The following GFRA1 variants were observed in gnomAD, a reference collection of about 807,000 sequenced individuals.
GFRA1 encodes GDNF family receptor alpha-1.
A neutral mutation model predicts 51.6 loss-of-function variants in GFRA1; 16 were observed. That is an observed-to-expected ratio of 0.31 (90% CI 0.21 to 0.47). GFRA1 has a LOEUF of 0.47. Ranked by LOEUF, GFRA1 falls within the 20% of genes least tolerant of loss-of-function variation. The pLI, the probability that GFRA1 is intolerant of heterozygous loss-of-function variation, is 1.00. For synonymous variants in GFRA1, 270 were observed against 241.3 expected (o/e 1.12, Z -1.10); for missense variants, 530 against 594.3 (o/e 0.89, Z 1.13).
At chr10:116,271,770 A>T (rs1175643904) in intron 2 of GFRA1, among the ~76,000 whole-genome samples, 1 of 152,136 alleles carries the variant, frequency 6.6e-6, no homozygotes, top group East Asian at 1.9e-4. Context: ...TAAAAACCAC[A>T]GGAAATCAAA....
chr10:116,161,458 G>T (rs1589834342), intron 5 of GFRA1, among the ~76,000 whole-genome samples: 2 of 152,324 alleles, frequency 1.3e-5, no homozygotes, highest in Non-Finnish European at 1.5e-5. Flanking sequence ...CAGAAAGGAA[G>T]TTGACGCCAA....
intron 5 of GFRA1, among the ~76,000 whole-genome samples, chr10:116,167,782 G>A (rs1444334373): frequency 6.6e-6 from 1 of 152,140 alleles, no homozygotes; most frequent in Admixed American, 6.5e-5. Context: ...TAAGTGACCA[G>A]GACACAACCT....
At chr10:116,222,267 C>T (rs1408706286) in intron 4 of GFRA1, among the ~76,000 whole-genome samples, 1 of 152,124 alleles carries the variant, frequency 6.6e-6, no homozygotes, top group African/African-American at 2.4e-5. Context: ...AGCGTGATCT[C>T]GGCTCACTGC....
intron 5 of GFRA1, among the ~76,000 whole-genome samples, chr10:116,153,516 T>C (rs917348538): frequency 1.3e-5 from 2 of 152,190 alleles, no homozygotes; most frequent in African/African-American, 4.8e-5. Flanking sequence ...TGTCTGCTGG[T>C]TTAGAAATTA....
intron 8 of GFRA1, among the ~76,000 whole-genome samples, chr10:116,092,361 T>C (rs2133887011): frequency 6.6e-6 from 1 of 152,224 alleles, no homozygotes; most frequent in Middle Eastern, 3.4e-3. Flanking sequence ...ATCAACAAAG[T>C]AAATGATGAG....
At chr10:116,127,307 A>G (rs961592683) in intron 5 of GFRA1, among the ~76,000 whole-genome samples, 2 of 152,256 alleles carry the variant, frequency 1.3e-5, no homozygotes, top group Non-Finnish European at 2.9e-5. Flanking sequence ...GACAAAGGGC[A>G]CACAAAGCAA....
At chr10:116,191,235 A>C (rs1963233592) in intron 5 of GFRA1, among the ~76,000 whole-genome samples, 1 of 152,346 alleles carries the variant, frequency 6.6e-6, no homozygotes, top group South Asian at 2.1e-4. Flanking sequence ...TTGAGTGTGC[A>C]TCTATAAATG....
intron 6 of GFRA1, among the ~76,000 whole-genome samples, chr10:116,107,195 G>C (rs1333413855): frequency 6.6e-6 from 1 of 152,122 alleles, no homozygotes; most frequent in Non-Finnish European, 1.5e-5. Flanking sequence ...TCCTGGTAGG[G>C]TTAAATATAC....
rs1308174010 is a variant in GFRA1, at chr10:116,063,152, C to CCAAT, written c.*1242_*1245dup. ...GAGAACCTGCCCATGCCTCCATGTCCCAATCAAAGCTGCCTTTGTCAGATA... is the reference window on the plus strand; with the variant it reads ...GAGAACCTGCCCATGCCTCCATGTCCCAATCAATCAAAGCTGCCTTTGTCAGATA... On this transcript the variant is annotated 3_prime_UTR_variant, in exon 11 of 11. Transcript: ENST00000355422. The CCAAT allele has an allele frequency of 6.6e-6, 1 of 152,196 alleles. No individual in the cohort carries two copies. Among genetic ancestry groups the CCAAT allele is most frequent in the East Asian group, 1.9e-4 (1 of 5,184 alleles). 9.4% of individuals were successfully genotyped at this position (152,196 alleles called of 1,614,324 possible).
Position 116,063,980 on chromosome 10 carries a change from A to G in GFRA1, c.*418T>C, listed in dbSNP as rs1954952084. On this transcript the variant is annotated 3_prime_UTR_variant, in exon 11 of 11. Coordinates refer to ENST00000355422, the MANE Select transcript of GFRA1 (RefSeq NM_005264.8). The stretch of plus-strand genomic sequence containing the variant: ...TGTCATTAAAGGAGATATGGGAGTT[A>G]CCTTAGAAATATTAACTCCTTCTCT... 5.4e-6 allele frequency: 1 copy of G among 184,614 alleles called. No homozygotes were observed. The highest frequency in any genetic ancestry group is 2.5e-5 in the African/African-American group (1 of 40,602). 11.4% of individuals were successfully genotyped at this position (184,614 alleles called of 1,614,324 possible).
chr10:116,082,053 A>C (rs1336388446), intron 9 of GFRA1, among the ~76,000 whole-genome samples: 1 of 152,218 alleles, frequency 6.6e-6, no homozygotes, highest in Non-Finnish European at 1.5e-5. Flanking sequence ...TGAGGCTAAG[A>C]GGCAGGACTA....
chr10:116,173,734 G>GAT lies in GFRA1; in HGVS notation c.433+37895_433+37896dup, dbSNP rs796205062. Among the ~76,000 whole-genome samples the GAT allele has an allele frequency of 2.0e-5, 3 of 152,270 alleles. No homozygotes were observed. In the South Asian group the frequency reaches 6.2e-4, roughly 32 times the overall value. On this transcript the variant is annotated intron_variant, in intron 5 of 10. Coordinates refer to ENST00000355422, the MANE Select transcript of GFRA1 (RefSeq NM_005264.8). ...CAACTCAAACTGGAGAAAGTTTTCT[G>GAT]ATATATATCTGTTTAGTTGGGCCGA...
intron 4 of GFRA1, among the ~76,000 whole-genome samples, chr10:116,239,723 G>A (rs527972843): frequency 2.0e-5 from 3 of 152,246 alleles, no homozygotes; most frequent in African/African-American, 7.2e-5. Flanking sequence ...TGATAGACAC[G>A]TATCATCTTC....
chr10:116,215,100 C>G (rs11197586), intron 4 of GFRA1, among the ~76,000 whole-genome samples: 1,724 of 152,218 alleles, frequency 0.011, 15 homozygotes, highest in Middle Eastern at 0.034. Flanking sequence ...CTTTTGTGGT[C>G]TGAGGTATAT....
At chr10:116,168,810 T>G (rs1378359712) in intron 5 of GFRA1, among the ~76,000 whole-genome samples, 2 of 152,226 alleles carry the variant, frequency 1.3e-5, no homozygotes, top group African/African-American at 4.8e-5. Context: ...CAACTGTTTC[T>G]TGAAGCCATC....
rs1963536955 is a variant in GFRA1 at position 116,194,195 on chromosome 10, C to T, written c.433+17436G>A. ...GCAGAAAGTAGTTTCTAAATATCCC[C>T]TGAGTTTGTTTTACTATTTACAAAT... On this transcript the variant is annotated intron_variant, in intron 5 of 10. Transcript: ENST00000355422. Among the ~76,000 whole-genome samples the T allele has an allele frequency of 3.3e-5, 5 of 152,142 alleles. No individual in the cohort carries two copies. The South Asian group carries it at 1.0e-3, about 32-fold the overall frequency.
At chr10:116,232,699 A>C (rs143671963) in intron 4 of GFRA1, among the ~76,000 whole-genome samples, 1 of 152,338 alleles carries the variant, frequency 6.6e-6, no homozygotes, top group East Asian at 1.9e-4. Flanking sequence ...TATTTTAATC[A>C]TTAAACTCCT....
chr10:116,177,254 G>T (rs115901526), intron 5 of GFRA1, among the ~76,000 whole-genome samples: 1 of 152,156 alleles, frequency 6.6e-6, no homozygotes, highest in Non-Finnish European at 1.5e-5. Flanking sequence ...TTAGAAAGGC[G>T]ACCTGAGTGA....
rs3032041 is a variant in GFRA1 at position 116,251,963 on chromosome 10, C to CTTTTTT, written c.418+17534_418+17539dup. ...AGAGGACACAGACAACAATAGGCCT[C>CTTTTTT]TTTTTTTTTTTTTTTTTTTTTTTTT... On this transcript the variant is annotated intron_variant, in intron 4 of 10. Transcript: ENST00000355422. Among the ~76,000 whole-genome samples, 714 of 79,816 alleles carry CTTTTTT rather than the reference C, an allele frequency of 8.9e-3. 43 individuals are homozygous for CTTTTTT. Among genetic ancestry groups the CTTTTTT allele is most frequent in the South Asian group, 0.034 (52 of 1,528 alleles). The allele number at this position is 79,816 out of a possible 152,430, so 52.4% of individuals were successfully genotyped here.
Sources: gnomAD v4.1 joint callset for allele counts (sites outside exome capture counted in the v4.1 genomes callset) on GRCh38, gnomAD v4.1.1 for gene constraint, MANE v1.5 for transcripts, NCBI Gene and HGNC (gene_info 2026-07-23, HGNC 2026-07-21) for gene names.